CARMIL1: variants seen among roughly 807,000 people sequenced by gnomAD.
CARMIL1 encodes capping protein regulator and myosin 1 linker 1, also known as F-actin-uncapping protein LRRC16A.
In CARMIL1, 90 loss-of-function variants were observed where a neutral mutation model predicts 177.1. That is an observed-to-expected ratio of 0.51 (90% confidence interval 0.43 to 0.61). CARMIL1 has a LOEUF of 0.61. Ranked by LOEUF, CARMIL1 falls within the 20% of genes least tolerant of loss-of-function variation. CARMIL1 has a pLI of 0.00. For missense variants in CARMIL1, 1,380 were observed against 1,667.0 expected (o/e 0.83, Z 3.00); for synonymous variants, 577 against 606.2 (o/e 0.95, Z 0.71).
intron 12 of CARMIL1, 120 bp from the exon 13 acceptor site, chr6:25,488,362 A>C (rs1482895628): frequency 1.3e-6 from 1 of 768,082 alleles, no homozygotes; most frequent in African/African-American, 1.7e-5. Context: ...TTTCAGGGAC[A>C]GTGCTCATGG....
At chr6:25,482,436 C>A (rs1472100800) in intron 12 of CARMIL1, 93 bp downstream of exon 12, 3 of 587,190 alleles carry the variant, frequency 5.1e-6, no homozygotes, top group Non-Finnish European at 5.8e-6. Context: ...TTTAAAAATA[C>A]ATTAAAAAAA....
At chr6:25,414,275 T>C (rs1795179979) in intron 2 of CARMIL1, among the ~76,000 whole-genome samples, 1 of 152,178 alleles carries the variant, frequency 6.6e-6, no homozygotes, top group Non-Finnish European at 1.5e-5. Context: ...GATTCCAAAA[T>C]TCAAGCTAGT....
intron 2 of CARMIL1, among the ~76,000 whole-genome samples, chr6:25,335,804 A>G (rs1021515075): frequency 6.6e-6 from 1 of 152,260 alleles, no homozygotes; most frequent in African/African-American, 2.4e-5. Context: ...CCGTGCTGGC[A>G]TCCAGATTTT....
chr6:25,374,586 C>G (rs1256252602), intron 2 of CARMIL1, among the ~76,000 whole-genome samples: 1 of 152,144 alleles, frequency 6.6e-6, no homozygotes, highest in Non-Finnish European at 1.5e-5. Context: ...AGTTGACTTT[C>G]TTCCTTGATG....
At position 25,495,229 on chromosome 6, in the gene CARMIL1, T is replaced by A; in HGVS notation, c.1325+14T>A. 1 of 1,541,970 alleles carries A rather than the reference T, an allele frequency of 6.5e-7. No individual in the cohort carries two copies. The highest frequency in any genetic ancestry group is 8.9e-7 in the Non-Finnish European group (1 of 1,126,084). On this transcript the variant is annotated intron_variant, in intron 16 of 36. Coordinates refer to ENST00000329474, the MANE Select transcript of CARMIL1 (RefSeq NM_017640.6). ...TGAGCCCTTAAAGTGAGTGGTTAAT[T>A]CACTTTCTCCAGAGCTTTTAAAGTT...
At chr6:25,453,760 G>T (rs116026152) in intron 8 of CARMIL1, among the ~76,000 whole-genome samples, 1 of 152,134 alleles carries the variant, frequency 6.6e-6, no homozygotes, top group Non-Finnish European at 1.5e-5. Context: ...TTATGAAAAC[G>T]ATTTTGAACC....
chr6:25,424,171 C>A (rs1460690132), intron 3 of CARMIL1, among the ~76,000 whole-genome samples: 1 of 152,176 alleles, frequency 6.6e-6, no homozygotes, highest in Non-Finnish European at 1.5e-5. Flanking sequence ...GCAGGATCTG[C>A]TCCTTTTAGT....
chr6:25,547,003 C>T (rs1026599969), intron 26 of CARMIL1, among the ~76,000 whole-genome samples: 3 of 146,988 alleles, frequency 2.0e-5, no homozygotes, highest in African/African-American at 5.0e-5. Flanking sequence ...TGCAGAGAGC[C>T]GAGATCACGG....
At chr6:25,520,750 T>C (rs1351083902) in intron 23 of CARMIL1, among the ~76,000 whole-genome samples, 2 of 152,062 alleles carry the variant, frequency 1.3e-5, no homozygotes, top group Admixed American at 6.5e-5. Context: ...CACTTTACCA[T>C]CCTCATCTAT....
At chr6:25,280,320 C>A (rs1273189035) in intron 1 of CARMIL1, among the ~76,000 whole-genome samples, 1 of 152,122 alleles carries the variant, frequency 6.6e-6, no homozygotes, top group African/African-American at 2.4e-5. Context: ...AAATGCCCCG[C>A]GGGAGGTGAT....
intron 8 of CARMIL1, chr6:25,452,026 T>A (rs564772114): frequency 1.1e-4 from 48 of 450,856 alleles, no homozygotes; most frequent in African/African-American, 1.0e-3. Context: ...TTGAATTATT[T>A]TTCCACCTAC....
At chr6:25,550,004 G>A (rs965339252) in intron 26 of CARMIL1, among the ~76,000 whole-genome samples, 1 of 152,146 alleles carries the variant, frequency 6.6e-6, no homozygotes, top group African/African-American at 2.4e-5. Flanking sequence ...TATGGTCAAG[G>A]AAAGTCAAAT....
intron 2 of CARMIL1, among the ~76,000 whole-genome samples, chr6:25,314,431 C>G (rs1784101092): frequency 6.8e-6 from 1 of 146,734 alleles, no homozygotes; most frequent in African/African-American, 2.6e-5. Flanking sequence ...TGAGATCACA[C>G]CACTGCACTC....
chr6:25,385,362 A>G (rs1255569949), intron 2 of CARMIL1, among the ~76,000 whole-genome samples: 3 of 152,192 alleles, frequency 2.0e-5, no homozygotes, highest in Non-Finnish European at 4.4e-5. Context: ...GTTGAGTGGC[A>G]TGATTATATT....
rs1780882719 is a variant in CARMIL1 at position 25,279,382 on chromosome 6, C to A, written c.-414C>A. 4 of 286,298 alleles carry A rather than the reference C, an allele frequency of 1.4e-5. No individual in the cohort carries two copies. The highest frequency in any genetic ancestry group is 1.4e-4 in the South Asian group (4 of 29,198). 17.7% of individuals were successfully genotyped at this position (286,298 alleles called of 1,614,324 possible). ...CCCGCGCCGCTCTCCCCGCCCTCTC[C>A]CACGCCTTCCGCTTTCACCTAGGGC... is the stretch of plus-strand genomic sequence containing the variant. On this transcript the variant is annotated 5_prime_UTR_variant, in exon 1 of 37. Coordinates refer to ENST00000329474, the MANE Select transcript of CARMIL1 (RefSeq NM_017640.6).
chr6:25,474,592 A>G (rs1350097556), intron 11 of CARMIL1, among the ~76,000 whole-genome samples: 2 of 152,244 alleles, frequency 1.3e-5, no homozygotes, highest in Non-Finnish European at 2.9e-5. Context: ...TTGAGACTGA[A>G]TTAGAAAACT....
chr6:25,610,422 A>G (rs1413897975), intron 36 of CARMIL1, among the ~76,000 whole-genome samples: 1 of 152,212 alleles, frequency 6.6e-6, no homozygotes, highest in Non-Finnish European at 1.5e-5. Context: ...GGTCTAACTT[A>G]TTTGCAAGAA....
intron 2 of CARMIL1, among the ~76,000 whole-genome samples, chr6:25,416,145 C>T (rs1288436805): frequency 6.6e-6 from 1 of 152,144 alleles, no homozygotes; most frequent in Non-Finnish European, 1.5e-5. Flanking sequence ...GACACGCAGA[C>T]CAGTAGGGAT....
At position 25,281,127 on chromosome 6, in the gene CARMIL1, T is replaced by TGTGTGC. The variant is rs142017993; in HGVS notation, c.40+1293_40+1294insTGTGCG. ...AATTATTCACAGACGCACGCGCGTG[T>TGTGTGC]GCGCGCGCGCACACACACACACACA... On this transcript the variant is annotated intron_variant, in intron 1 of 36. Transcript: ENST00000329474. Among the ~76,000 whole-genome samples, 228 of 127,066 alleles carry TGTGTGC rather than the reference T, an allele frequency of 1.8e-3. 1 individual carries two copies. The highest frequency in any genetic ancestry group is 3.2e-3 in the African/African-American group (101 of 31,368). 83.4% of individuals were successfully genotyped at this position (127,066 alleles called of 152,430 possible). A position where few individuals can be genotyped will look rare whatever the true frequency, so the allele number is the denominator to read the frequency against.
Sources: gnomAD v4.1 joint callset for allele counts (sites outside exome capture counted in the v4.1 genomes callset) on GRCh38, gnomAD v4.1.1 for gene constraint, MANE v1.5 for transcripts, NCBI Gene and HGNC (gene_info 2026-07-23, HGNC 2026-07-21) for gene names.